Variants in KRT78 observed in about 807,000 individuals in gnomAD.
KRT78 encodes keratin, type II cytoskeletal 78.
A neutral mutation model predicts 51.4 loss-of-function variants in KRT78; 55 were observed. The ratio of observed to expected loss-of-function variants is 1.07; its 90% CI spans 0.86 to 1.34. The LOEUF is 1.34. Among genes scored for constraint, KRT78 ranks in the 40% most tolerant of loss-of-function variants. The pLI, the probability that KRT78 is intolerant of heterozygous loss-of-function variation, is 0.00. For synonymous variants in KRT78, 291 were observed against 264.3 expected (o/e 1.10, Z -0.98); for missense variants, 652 against 649.4 (o/e 1.00, Z -0.04).
At position 52,839,064 on chromosome 12, in the gene KRT78, G is replaced by T. The variant is rs370508710; in HGVS notation, c.*49C>A. 3.2e-6 allele frequency: 5 copies of T among 1,579,940 alleles called. No homozygotes were observed. Among genetic ancestry groups the T allele is most frequent in the Non-Finnish European group, 4.3e-6 (5 of 1,165,070 alleles). ...AGTTGGCCTTGCAGAGCCGGCTGAT[G>T]GGGGGAGTGGGCCAAATGTGTTCAG... On this transcript the variant is annotated 3_prime_UTR_variant, in exon 9 of 9. Coordinates refer to ENST00000304620, the MANE Select transcript of KRT78 (RefSeq NM_173352.4).
intron 7 of KRT78, 123 bp from the exon 8 acceptor site, chr12:52,839,610 C>A: frequency 7.7e-7 from 1 of 1,303,926 alleles, no homozygotes; most frequent in Non-Finnish European, 1.1e-6. Context: ...CCACAGTCTC[C>A]AACTTAAAAT....
intron 5 of KRT78, 69 bp downstream of exon 5, chr12:52,844,489 GA>G: frequency 2.0e-6 from 3 of 1,521,610 alleles, no homozygotes; most frequent in Non-Finnish European, 2.7e-6. Context: ...CGAGGTGGAT[GA>G]CCACCCTAGA....
At chr12:52,840,596 A>C (rs1940471473) in intron 6 of KRT78, among the ~76,000 whole-genome samples, 1 of 152,142 alleles carries the variant, frequency 6.6e-6, no homozygotes, top group African/African-American at 2.4e-5. Context: ...AGTCCCAGCT[A>C]CTCGGGAGGC....
rs1330094793 is a variant in KRT78 at position 52,838,019 on chromosome 12, C to G, written c.*1094G>C. ...GATTCAAGCCACATCCTCACCGGCT[C>G]TGGTCTCCTTCACACAAAGCTGAAA... On this transcript the variant is annotated 3_prime_UTR_variant, in exon 9 of 9. Transcript: ENST00000304620. 6.6e-6 allele frequency: 1 copy of G among 152,186 alleles called. No homozygotes were observed. Among genetic ancestry groups the G allele is most frequent in the Non-Finnish European group, 1.5e-5 (1 of 68,034 alleles). The allele number at this position is 152,186 out of a possible 1,614,324, so 9.4% of individuals were successfully genotyped here.
chr12:52,842,950 AGAGAGAGAGAGGAAGGAAGG>A lies in KRT78; in HGVS notation c.1047+1123_1047+1142del, dbSNP rs1419177328. ...AGGAAAGAAAGAAAGAGAGAGAGAGAGAGAGAGAGAGGAAGGAAGGAAGGAAGGAAGGAAGGAAGGAAGGA... is the reference window on the plus strand; with the variant it reads ...AGGAAAGAAAGAAAGAGAGAGAGAGAAAGGAAGGAAGGAAGGAAGGAAGGA... On this transcript the variant is annotated intron_variant, in intron 6 of 8. Coordinates refer to ENST00000304620, the MANE Select transcript of KRT78 (RefSeq NM_173352.4). 1.1e-3 allele frequency among the ~76,000 whole-genome samples: 126 copies of A among 110,822 alleles called. 6 individuals carry two copies. The East Asian group carries it at 0.02, about 17-fold the overall frequency. The allele number at this position is 110,822 out of a possible 152,430, so 72.7% of individuals were successfully genotyped here.
intron 6 of KRT78, among the ~76,000 whole-genome samples, chr12:52,842,860 A>T (rs1418865709): frequency 6.6e-6 from 1 of 151,126 alleles, no homozygotes; most frequent in Non-Finnish European, 1.5e-5. Context: ...GGTTGCATTA[A>T]GCCGAGATCA....
At chr12:52,840,122 C>T (rs980343321) in intron 6 of KRT78, 138 bp from the exon 7 acceptor site, 2 of 625,880 alleles carry the variant, frequency 3.2e-6, no homozygotes, top group Non-Finnish European at 5.6e-6. Context: ...GCCGTCTGTA[C>T]CAACACCACC....
At chr12:52,845,011 T>C (rs566399715) in intron 4 of KRT78, among the ~76,000 whole-genome samples, 3 of 150,880 alleles carry the variant, frequency 2.0e-5, no homozygotes, top group Admixed American at 2.0e-4. Context: ...CTTTTTTTTT[T>C]CTTCTTCTTC....
At position 52,838,979 on chromosome 12, in the gene KRT78, CTT is replaced by C. The variant is rs1295732896; in HGVS notation, c.*132_*133del. On this transcript the variant is annotated 3_prime_UTR_variant, in exon 9 of 9. Coordinates refer to ENST00000304620, the MANE Select transcript of KRT78 (RefSeq NM_173352.4). ...GCATTCAGAACAGCAGGAGGGGAGA[CTT>C]TATTGATTTTTGCAGCATCCGCTGT... 2.8e-6 allele frequency: 3 copies of C among 1,057,262 alleles called. No individual in the cohort carries two copies. Among genetic ancestry groups the C allele is most frequent in the Non-Finnish European group, 4.0e-6 (3 of 740,758 alleles). 65.5% of individuals were successfully genotyped at this position (1,057,262 alleles called of 1,614,324 possible). A position where few individuals can be genotyped will look rare whatever the true frequency, so the allele number is the denominator to read the frequency against.
chr12:52,844,516 C>T (rs1940593264), intron 5 of KRT78, 43 bp downstream of exon 5: 2 of 1,588,190 alleles, frequency 1.3e-6, no homozygotes, highest in Admixed American at 3.5e-5. Context: ...GGCATGGAGA[C>T]CTAGCCATTT....
At chr12:52,840,382 CAG>C (rs1402945471) in intron 6 of KRT78, among the ~76,000 whole-genome samples, 1 of 152,012 alleles carries the variant, frequency 6.6e-6, no homozygotes, top group African/African-American at 2.4e-5. Flanking sequence ...AACACAGAGA[CAG>C]ACACAGAGAG....
intron 2 of KRT78, among the ~76,000 whole-genome samples, chr12:52,847,640 G>T (rs1301504927): frequency 6.6e-6 from 1 of 152,194 alleles, no homozygotes; most frequent in Non-Finnish European, 1.5e-5. Context: ...GGAAACATGG[G>T]CCCTTGTAGC....
chr12:52,842,965 G>GA (rs1565698746), intron 6 of KRT78, among the ~76,000 whole-genome samples: 156 of 53,734 alleles, frequency 2.9e-3, no homozygotes, highest in African/African-American at 3.9e-3. Context: ...GAGAGAGGAA[G>GA]GAAGGAAGGA....
intron 4 of KRT78, among the ~76,000 whole-genome samples, chr12:52,845,162 C>T (rs528263021): frequency 6.6e-6 from 1 of 152,084 alleles, no homozygotes; most frequent in Non-Finnish European, 1.5e-5. Flanking sequence ...ATTACAAGCA[C>T]CTGCCACCAA....
rs1280735446 is a variant in KRT78 at position 52,843,700 on chromosome 12, AAAAAAGAAAAAG to A, written c.1047+381_1047+392del. Among the ~76,000 whole-genome samples the A allele has an allele frequency of 3.4e-5, 5 of 149,048 alleles. No individual in the cohort carries two copies. In the South Asian group the frequency reaches 1.0e-3, roughly 31 times the overall value. On this transcript the variant is annotated intron_variant, in intron 6 of 8. Transcript: ENST00000304620. The stretch of plus-strand genomic sequence containing the variant: ...TAAGACTCTGTCTCAAAAAAAAAAA[AAAAAAGAAAAAG>A]AAAAAGAAAAGAAAAGGAAAAGATA...
chr12:52,840,877 C>A (rs1484795928), intron 6 of KRT78, among the ~76,000 whole-genome samples: 1 of 152,194 alleles, frequency 6.6e-6, no homozygotes, highest in African/African-American at 2.4e-5. Context: ...GACTTCAAGG[C>A]TCCAGGACTG....
chr12:52,839,416 C>T (rs771071083), intron 8 of KRT78, 37 bp downstream of exon 8: 1 of 1,611,136 alleles, frequency 6.2e-7, no homozygotes, highest in South Asian at 1.1e-5. Context: ...ATCAGCTCCC[C>T]ATGGGGATCC....
intron 7 of KRT78, 55 bp downstream of exon 7, chr12:52,839,709 C>A (rs1940435405): frequency 3.9e-6 from 6 of 1,530,374 alleles, no homozygotes; most frequent in Middle Eastern, 1.7e-4. Context: ...ACTGTGTTGG[C>A]ATCCCATCCT....
intron 1 of KRT78, 31 bp from the exon 2 acceptor site, chr12:52,848,152 C>G: frequency 6.2e-7 from 1 of 1,607,710 alleles, no homozygotes; most frequent in Non-Finnish European, 8.5e-7. Flanking sequence ...CCCTGAGGCT[C>G]CTGTGGGACT....
Sources: allele counts gnomAD v4.1 joint callset (sites outside exome capture counted in the v4.1 genomes callset), GRCh38; gene constraint gnomAD v4.1.1; transcripts MANE v1.5; gene names NCBI Gene and HGNC (gene_info 2026-07-23, HGNC 2026-07-21).